NELFA: variants seen among roughly 807,000 people sequenced by gnomAD.
The protein encoded by NELFA is negative elongation factor complex member A, also known as negative elongation factor A.
Under a neutral mutation model 51.8 loss-of-function variants are expected in NELFA, and 35 were observed. The observed-to-expected ratio is 0.68, with a 90% CI of 0.52 to 0.90. The LOEUF (loss-of-function observed/expected upper bound fraction) is 0.90, where lower values mean the gene tolerates loss of function less well. Among genes scored for constraint, NELFA ranks in the 40% least tolerant of loss-of-function variants. The probability of loss-of-function intolerance (pLI) is 0.00; values close to 1 mark genes in which losing one functional copy is unlikely to be tolerated. For synonymous variants in NELFA, 417 were observed against 338.4 expected (o/e 1.23, Z -2.55); for missense variants, 658 against 746.4 (o/e 0.88, Z 1.38).
intron 1 of NELFA, among the ~76,000 whole-genome samples, chr4:2,002,104 G>C (rs188228237): frequency 1.3e-5 from 2 of 151,736 alleles, no homozygotes; most frequent in African/African-American, 4.8e-5. Context: ...GGAGGCTGAC[G>C]CAGGAGAATG....
At chr4:1,990,102 CTGGAAA>C (rs1728229072) in intron 2 of NELFA, 1 of 565,224 alleles carries the variant, frequency 1.8e-6, no homozygotes, top group Admixed American at 3.1e-5. Context: ...GGGCTGTAAA[CTGGAAA>C]CCTCTGGCAC....
chr4:1,989,635 G>A lies in NELFA; in HGVS notation c.544+73C>T, dbSNP rs926510753. The A allele has an allele frequency of 9.3e-6, 14 of 1,509,522 alleles. No homozygotes were observed. The highest frequency in any genetic ancestry group is 1.3e-5 in the Non-Finnish European group (14 of 1,118,080). 93.5% of individuals were successfully genotyped at this position (1,509,522 alleles called of 1,614,324 possible). ...ACGCCACCTTGAAGGGGCAGTCTTGGTACCTTAGAACCTAAGAAACCTATG... is the reference window on the plus strand; with the variant it reads ...ACGCCACCTTGAAGGGGCAGTCTTGATACCTTAGAACCTAAGAAACCTATG... On this transcript the variant is annotated intron_variant, in intron 3 of 10. Coordinates refer to ENST00000382882, the MANE Select transcript of NELFA (RefSeq NM_005663.5). This position sits in a 1 kb window ranked among gnomAD's most constrained non-coding sequence, Gnocchi z 4.8.
Position 1,989,451 on chromosome 4 carries a change from C to A in NELFA, c.544+257G>T, listed in dbSNP as rs1178726715. On this transcript the variant is annotated intron_variant, in intron 3 of 10. Coordinates refer to ENST00000382882, the MANE Select transcript of NELFA (RefSeq NM_005663.5). This position sits in a 1 kb window ranked among gnomAD's most constrained non-coding sequence, Gnocchi z 4.8. ...CAGGTGATCCTCCTACCTCAGCCTT[C>A]CGAGTAGCTGGGAGCACAGGCACGC... Among the ~76,000 whole-genome samples, 2 of 152,168 alleles carry A rather than the reference C, an allele frequency of 1.3e-5. No individual in the cohort carries two copies. The highest frequency in any genetic ancestry group is 2.9e-5 in the Non-Finnish European group (2 of 68,042).
chr4:1,990,338 T>C (rs1230333202), intron 2 of NELFA: 4 of 454,654 alleles, frequency 8.8e-6, no homozygotes, highest in Non-Finnish European at 1.8e-5. Context: ...TCAGCCTGTG[T>C]GCTCACCCAC....
Position 1,989,251 on chromosome 4 carries a change from TC to T in NELFA, c.544+456del, listed in dbSNP as rs2109058108. Among the ~76,000 whole-genome samples the T allele has an allele frequency of 6.6e-6, 1 of 151,584 alleles. No individual in the cohort carries two copies. Among genetic ancestry groups the T allele is most frequent in the East Asian group, 2.0e-4 (1 of 5,086 alleles). ...GTGAGCCACCATGCCCAGCCTAAAT[TC>T]TGAAGTTTTTAAAGCATGTTTTCAG... is the stretch of plus-strand genomic sequence containing the variant. On this transcript the variant is annotated intron_variant, in intron 3 of 10. Coordinates refer to ENST00000382882, the MANE Select transcript of NELFA (RefSeq NM_005663.5). This position sits in a 1 kb window ranked among gnomAD's most constrained non-coding sequence, Gnocchi z 4.8.
chr4:1,988,653 C>T (rs539550064), intron 3 of NELFA, among the ~76,000 whole-genome samples: 10 of 152,192 alleles, frequency 6.6e-5, no homozygotes, highest in Non-Finnish European at 1.5e-4. Context: ...TCTCTGGAAA[C>T]GGGGTATTGA....
chr4:1,988,038 T>C, intron 3 of NELFA, 31 bp from the exon 4 acceptor site: 2 of 1,583,678 alleles, frequency 1.3e-6, no homozygotes, highest in Non-Finnish European at 1.7e-6. Flanking sequence ...ATGTCAGGGA[T>C]CCTCAGAGCG....
At chr4:2,004,967 G>A (rs891249089) in intron 1 of NELFA, among the ~76,000 whole-genome samples, 20 of 151,048 alleles carry the variant, frequency 1.3e-4, no homozygotes, top group African/African-American at 3.9e-4. Flanking sequence ...CACCATGCCC[G>A]GCTAATTTTT....
chr4:1,992,354 T>C, intron 1 of NELFA: 1 of 284,736 alleles, frequency 3.5e-6, no homozygotes, highest in South Asian at 2.6e-5. Flanking sequence ...GGGGAGGCCA[T>C]GGGCGACGTG....
intron 4 of NELFA, among the ~76,000 whole-genome samples, chr4:1,987,256 C>A (rs1728132584): frequency 6.6e-6 from 1 of 152,226 alleles, no homozygotes; most frequent in African/African-American, 2.4e-5. Flanking sequence ...CAAGTTTACC[C>A]AGCTGTCTCA....
rs768403176 is a variant in NELFA at position 1,983,965 on chromosome 4, C to T, written c.1185G>A (p.Leu395=). ...TPTPAAPTSP[L]TPTTPPAVAP... ...CGACAGCCGGAGGTGTGGTGGGTGTCAGAGGCGAGGTGGGCGCCGCAGGCG... is the reference window on the plus strand; with the variant it reads ...CGACAGCCGGAGGTGTGGTGGGTGTTAGAGGCGAGGTGGGCGCCGCAGGCG... Residue 395 remains leucine, a synonymous_variant, in exon 9 of 11, where the codon CTG becomes CTA. Transcript: ENST00000382882. The T allele has an allele frequency of 6.2e-7, 1 of 1,610,382 alleles. No homozygotes were observed. Among genetic ancestry groups the T allele is most frequent in the Non-Finnish European group, 8.5e-7 (1 of 1,179,294 alleles).
intron 1 of NELFA, among the ~76,000 whole-genome samples, chr4:1,993,164 A>G (rs1728325010): frequency 6.6e-6 from 1 of 152,256 alleles, no homozygotes; most frequent in Admixed American, 6.5e-5. Flanking sequence ...TAAAAATGGT[A>G]AGGATAAAAA....
At chr4:2,008,481 G>A (rs1275147454) in intron 1 of NELFA, among the ~76,000 whole-genome samples, 2 of 149,032 alleles carry the variant, frequency 1.3e-5, no homozygotes, top group African/African-American at 2.5e-5. Context: ...GAGGAGGGGC[G>A]GGGGGTCCTG....
chr4:2,001,817 T>C (rs1214855767), intron 1 of NELFA, among the ~76,000 whole-genome samples: 1 of 149,412 alleles, frequency 6.7e-6, no homozygotes, highest in Non-Finnish European at 1.5e-5. Context: ...GCAGGAGAAC[T>C]GCTTGAGCAA....
chr4:1,997,013 G>T (rs893745828), intron 1 of NELFA, among the ~76,000 whole-genome samples: 7 of 152,116 alleles, frequency 4.6e-5, no homozygotes, highest in Non-Finnish European at 8.8e-5. Flanking sequence ...GCTCAGGAAG[G>T]TGAGGCAGGA....
intron 1 of NELFA, among the ~76,000 whole-genome samples, chr4:2,006,459 C>A (rs1728712453): frequency 6.6e-6 from 1 of 152,138 alleles, no homozygotes; most frequent in Admixed American, 6.6e-5. Flanking sequence ...AAACTAGGAG[C>A]TTCTATTCAT....
intron 1 of NELFA, among the ~76,000 whole-genome samples, chr4:2,001,209 A>C (rs958835563): frequency 1.3e-5 from 2 of 152,238 alleles, no homozygotes; most frequent in Non-Finnish European, 2.9e-5. Context: ...CAAAAGCTGG[A>C]AGCATTCTCT....
chr4:2,008,630 C>T (rs1188961505), intron 1 of NELFA, 120 bp downstream of exon 1: 2 of 1,131,380 alleles, frequency 1.8e-6, no homozygotes, highest in East Asian at 2.8e-5. Flanking sequence ...GGGGGGTTAA[C>T]AGTCTGAAGG....
Position 1,983,309 on chromosome 4 carries a change from G to T in NELFA, c.*10C>A. 1.2e-6 allele frequency: 2 copies of T among 1,606,378 alleles called. No homozygotes were observed. The highest frequency in any genetic ancestry group is 1.7e-6 in the Non-Finnish European group (2 of 1,174,088). On this transcript the variant is annotated 3_prime_UTR_variant, in exon 11 of 11. Coordinates refer to ENST00000382882, the MANE Select transcript of NELFA (RefSeq NM_005663.5). Reference sequence around the variant, plus strand: ...CCCACAAGTGACGGCCAGCTGTGAGGCAGGTGGTTCTAGGACACATTGGTC... The same window carrying T: ...CCCACAAGTGACGGCCAGCTGTGAGTCAGGTGGTTCTAGGACACATTGGTC...
Sources: allele counts gnomAD v4.1 joint callset (sites outside exome capture counted in the v4.1 genomes callset), GRCh38; gene constraint gnomAD v4.1.1; non-coding constraint Gnocchi (gnomAD v3.1); transcripts MANE v1.5; gene names NCBI Gene and HGNC (gene_info 2026-07-23, HGNC 2026-07-21).